GRIP1: variants seen among roughly 807,000 people sequenced by gnomAD.
The protein encoded by GRIP1 is glutamate receptor-interacting protein 1.
In GRIP1, 45 loss-of-function variants were observed where a neutral mutation model predicts 129.9. The ratio of observed to expected loss-of-function variants is 0.35; its 90% CI spans 0.27 to 0.44. The LOEUF is 0.44. Among genes scored for constraint, GRIP1 ranks in the 20% least tolerant of loss-of-function variants. GRIP1 has a pLI of 1.00. For synonymous variants in GRIP1, 530 were observed against 520.8 expected, an observed-to-expected ratio of 1.02 and a Z score of -0.24; for missense variants, 1,196 against 1,396.8, an observed-to-expected ratio of 0.86 and a Z score of 2.29.
intron 1 of GRIP1, among the ~76,000 whole-genome samples, chr12:66,653,319 T>A (rs1361707054): frequency 6.6e-6 from 1 of 152,252 alleles, no homozygotes; most frequent in African/African-American, 2.4e-5. Context: ...CCAGGGCCTT[T>A]ATAAACATTA....
At chr12:66,977,120 C>A (rs116775142) in intron 1 of GRIP1, among the ~76,000 whole-genome samples, 185 of 151,752 alleles carry the variant, frequency 1.2e-3, no homozygotes, top group African/African-American at 3.8e-3. Flanking sequence ...GAGAAAGATT[C>A]ATCAATTTTG....
At chr12:66,502,703 C>T (rs2060424632) in intron 7 of GRIP1, among the ~76,000 whole-genome samples, 1 of 152,148 alleles carries the variant, frequency 6.6e-6, no homozygotes, top group African/African-American at 2.4e-5. Flanking sequence ...TCCACTTCAC[C>T]TTCTGCCATG....
At chr12:66,979,242 A>AC (rs1566104045) in intron 1 of GRIP1, among the ~76,000 whole-genome samples, 6 of 148,280 alleles carry the variant, frequency 4.0e-5, no homozygotes, top group South Asian at 2.2e-4. Context: ...AAAAAAAAAA[A>AC]AAAAAAAAAA....
intron 1 of GRIP1, among the ~76,000 whole-genome samples, chr12:66,659,263 T>G (rs1219689349): frequency 6.6e-6 from 1 of 152,232 alleles, no homozygotes; most frequent in Non-Finnish European, 1.5e-5. Flanking sequence ...TAACATTGAG[T>G]GTGCATTTAT....
At chr12:66,441,613 A>G (rs1361891713) in intron 13 of GRIP1, among the ~76,000 whole-genome samples, 1 of 152,090 alleles carries the variant, frequency 6.6e-6, no homozygotes, top group Non-Finnish European at 1.5e-5. Flanking sequence ...TTTAGCTTTG[A>G]GCTCTTTGAG....
intron 13 of GRIP1, among the ~76,000 whole-genome samples, chr12:66,441,582 T>G (rs1334858438): frequency 3.3e-5 from 5 of 152,216 alleles, no homozygotes; most frequent in Admixed American, 6.5e-5. Context: ...TTCTTACCAT[T>G]CAGCAGCTCT....
Position 66,979,252 on chromosome 12 carries a change from A to AAAAAAAAAAAAAAAAAC in GRIP1, c.58+89797_58+89798insGTTTTTTTTTTTTTTTT, listed in dbSNP as rs772753895. 2.3e-4 allele frequency among the ~76,000 whole-genome samples: 25 copies of AAAAAAAAAAAAAAAAAC among 110,238 alleles called. 1 individual carries two copies. Among genetic ancestry groups the AAAAAAAAAAAAAAAAAC allele is most frequent in the Non-Finnish European group, 3.6e-4 (20 of 55,736 alleles). 72.3% of individuals were successfully genotyped at this position (110,238 alleles called of 152,430 possible). A position where few individuals can be genotyped will look rare whatever the true frequency, so the allele number is the denominator to read the frequency against. On this transcript the variant is annotated intron_variant, in intron 1 of 1. Coordinates refer to the GRIP1 transcript ENST00000643019. ...AAAAAAAAAAAAAAAAAAAAAAAAA[A>AAAAAAAAAAAAAAAAAC]AACAAGCCCGTCATCCTGCAAGTAC...
At chr12:66,902,798 G>T (rs2040864284) in intron 1 of GRIP1, among the ~76,000 whole-genome samples, 1 of 152,164 alleles carries the variant, frequency 6.6e-6, no homozygotes, top group Non-Finnish European at 1.5e-5. Context: ...TATTTCGAAT[G>T]AAATATAAAG....
At chr12:67,062,721 T>C (rs1250322646) in intron 1 of GRIP1, among the ~76,000 whole-genome samples, 3 of 152,222 alleles carry the variant, frequency 2.0e-5, no homozygotes, top group Admixed American at 2.0e-4. Flanking sequence ...TGGCAGTTGG[T>C]ACTCAATAAA....
At position 66,979,511 on chromosome 12, in the gene GRIP1, C is replaced by T. The variant is rs560789638; in HGVS notation, c.58+89539G>A. On this transcript the variant is annotated intron_variant, in intron 1 of 1. Transcript: ENST00000643019. ...CTCAACCCCTCTGAGGGCTCCAAGC[C>T]TCAGGGTTTTGTTGTTGTTGTTATT... Among the ~76,000 whole-genome samples the T allele has an allele frequency of 1.1e-3, 170 of 152,168 alleles. 4 individuals carry two copies. In the South Asian group the frequency reaches 0.034, roughly 30 times the overall value.
intron 1 of GRIP1, among the ~76,000 whole-genome samples, chr12:67,031,844 T>C (rs1334721285): frequency 6.6e-6 from 1 of 152,180 alleles, no homozygotes; most frequent in Non-Finnish European, 1.5e-5. Context: ...TCTTCTTTTG[T>C]TTGGGGTTTT....
intron 23 of GRIP1, among the ~76,000 whole-genome samples, chr12:66,369,307 T>C (rs924587532): frequency 4.0e-5 from 6 of 151,230 alleles, no homozygotes; most frequent in Non-Finnish European, 7.4e-5. Flanking sequence ...TGCCAGTAAG[T>C]GGATGATACT....
chr12:66,473,595 G>T (rs574593336), intron 7 of GRIP1, among the ~76,000 whole-genome samples: 1 of 152,164 alleles, frequency 6.6e-6, no homozygotes, highest in Middle Eastern at 3.2e-3. Flanking sequence ...AGCTGGCATC[G>T]GGTGGGTGCC....
chr12:66,581,358 A>G (rs1355111082), intron 2 of GRIP1, among the ~76,000 whole-genome samples: 4 of 151,352 alleles, frequency 2.6e-5, no homozygotes, highest in Non-Finnish European at 4.4e-5. Flanking sequence ...GAAAAGCAAG[A>G]GCAAACACAT....
intron 2 of GRIP1, among the ~76,000 whole-genome samples, chr12:66,573,526 AAAACTGAAGCATG>A (rs2063035038): frequency 6.6e-6 from 1 of 152,204 alleles, no homozygotes; most frequent in Non-Finnish European, 1.5e-5. Flanking sequence ...ACACAATGGG[AAAACTGAAGCATG>A]AAACTGAAGC....
chr12:66,769,316 G>A (rs1289645218), intron 1 of GRIP1, among the ~76,000 whole-genome samples: 3 of 151,580 alleles, frequency 2.0e-5, no homozygotes, highest in Non-Finnish European at 4.4e-5. Context: ...GAGATACTGA[G>A]GCCCACTCAA....
intron 1 of GRIP1, chr12:67,069,017 G>T: frequency 2.5e-5 from 19 of 753,830 alleles, no homozygotes; most frequent in Non-Finnish European, 3.1e-5. Context: ...CCGGACCCCT[G>T]CCCTCCCTCC....
intron 22 of GRIP1, among the ~76,000 whole-genome samples, chr12:66,375,930 T>C (rs1284505526): frequency 6.6e-6 from 1 of 152,240 alleles, no homozygotes; most frequent in Non-Finnish European, 1.5e-5. Flanking sequence ...TGTTCAAGAA[T>C]TGTGAATTGT....
chr12:66,471,741 A>G (rs1039868013), intron 7 of GRIP1, among the ~76,000 whole-genome samples: 1 of 152,218 alleles, frequency 6.6e-6, no homozygotes, highest in Non-Finnish European at 1.5e-5. Context: ...AAATGATATA[A>G]TGGATAATGC....
Sources: allele counts gnomAD v4.1 joint callset (sites outside exome capture counted in the v4.1 genomes callset), GRCh38; gene constraint gnomAD v4.1.1; transcripts MANE v1.5; gene names NCBI Gene and HGNC (gene_info 2026-07-23, HGNC 2026-07-21).